Variants in BLTP2 observed in about 807,000 individuals in gnomAD.
BLTP2 encodes U937-associated antigen.
chr17:28,635,657 C>G, the BLTP2 span: 3 of 1,550,110 alleles, frequency 1.9e-6, no homozygotes, highest in South Asian at 1.2e-5. Flanking sequence ...TGTCACAAAA[C>G]AGTAGAGATG....
At chr17:28,625,053 C>T in the BLTP2 span, among the ~76,000 whole-genome samples, 24 of 152,122 alleles carry the variant, frequency 1.6e-4, no homozygotes, top group African/African-American at 5.5e-4. Flanking sequence ...GAAAGTTTAA[C>T]GGGGCCAGGC....
the BLTP2 span, chr17:28,635,207 G>A: frequency 6.2e-7 from 1 of 1,614,062 alleles, no homozygotes; most frequent in African/African-American, 1.3e-5. Flanking sequence ...TCCAGCTCAG[G>A]TAGCAGCTGC....
At chr17:28,634,454 T>G in the BLTP2 span, 1 of 1,324,084 alleles carries the variant, frequency 7.6e-7, no homozygotes, top group African/African-American at 1.5e-5. Context: ...CTGAAATCAC[T>G]GAGAGCTCCC....
chr17:28,631,961 G>A, the BLTP2 span: 1 of 1,609,870 alleles, frequency 6.2e-7, no homozygotes, highest in Non-Finnish European at 8.5e-7. Flanking sequence ...GATGGCATGA[G>A]AGGGATGATT....
At chr17:28,627,071 C>T in the BLTP2 span, among the ~76,000 whole-genome samples, 1 of 152,134 alleles carries the variant, frequency 6.6e-6, no homozygotes, top group Admixed American at 6.5e-5. Flanking sequence ...TAGAGGACAC[C>T]CAACTGGTGT....
At chr17:28,644,655 T>C in the BLTP2 span, among the ~76,000 whole-genome samples, 1 of 152,188 alleles carries the variant, frequency 6.6e-6, no homozygotes, top group East Asian at 1.9e-4. Flanking sequence ...CCCATCGCGC[T>C]TGGCGAAAGG....
At chr17:28,633,534 C>A in the BLTP2 span, 1 of 1,613,334 alleles carries the variant, frequency 6.2e-7, no homozygotes, top group African/African-American at 1.3e-5. Flanking sequence ...ATAAAAGTAT[C>A]ATGACACCCC....
chr17:28,643,447 A>G, the BLTP2 span: 1 of 1,370,134 alleles, frequency 7.3e-7, no homozygotes, highest in Non-Finnish European at 1.0e-6. Flanking sequence ...AGCAGTTATC[A>G]ATATCTTCCT....
chr17:28,644,687 G>A, the BLTP2 span, among the ~76,000 whole-genome samples: 1 of 152,206 alleles, frequency 6.6e-6, no homozygotes, highest in Admixed American at 6.5e-5. Flanking sequence ...GTGGGTGGAG[G>A]GGGAAAGGGA....
At chr17:28,628,185 C>G in the BLTP2 span, 2 of 1,220,486 alleles carry the variant, frequency 1.6e-6, no homozygotes, top group Non-Finnish European at 1.2e-6. Flanking sequence ...CACCATGACT[C>G]AGTCCTTTTA....
At chr17:28,632,939 C>T in the BLTP2 span, 1 of 1,517,628 alleles carries the variant, frequency 6.6e-7, no homozygotes, top group Non-Finnish European at 8.8e-7. Context: ...GCCCAAGCCT[C>T]ACTTCCACTG....
chr17:28,634,647 G>C, the BLTP2 span: 1 of 1,614,210 alleles, frequency 6.2e-7, no homozygotes, highest in Non-Finnish European at 8.5e-7. Context: ...GACCATGGAA[G>C]GAGGCATCTG....
chr17:28,628,495 C>T, the BLTP2 span: 1 of 1,614,098 alleles, frequency 6.2e-7, no homozygotes, highest in Non-Finnish European at 8.5e-7. Context: ...CCAGGAAATC[C>T]GTAAATCTAC....
chr17:28,639,415 T>A, the BLTP2 span: 5 of 1,613,848 alleles, frequency 3.1e-6, no homozygotes, highest in East Asian at 2.2e-5. Flanking sequence ...TAGTGAATGA[T>A]GCAAGTGTTC....
At chr17:28,623,537 C>T in the BLTP2 span, among the ~76,000 whole-genome samples, 3 of 151,312 alleles carry the variant, frequency 2.0e-5, no homozygotes, top group Admixed American at 6.6e-5. Context: ...TATACGAGTT[C>T]TGAGAAATGA....
chr17:28,624,414 G>C, the BLTP2 span: 1 of 1,604,502 alleles, frequency 6.2e-7, no homozygotes, highest in Non-Finnish European at 8.5e-7. Context: ...AGGAAGCAGG[G>C]AAAGGTCACA....
chr17:28,623,863 A>G, the BLTP2 span: 1 of 1,614,166 alleles, frequency 6.2e-7, no homozygotes, highest in Non-Finnish European at 8.5e-7. Context: ...CTTTTGCTTC[A>G]ATGTATCACC....
the BLTP2 span, chr17:28,615,927 T>TA: frequency 1.8e-6 from 2 of 1,120,110 alleles, no homozygotes; most frequent in African/African-American, 3.1e-5. Context: ...GATTTCCCCT[T>TA]ACCTCAGCCT....
chr17:28,639,483 GTGGGTT>G, the BLTP2 span: 25 of 1,613,240 alleles, frequency 1.5e-5, no homozygotes, highest in African/African-American at 3.3e-4. Flanking sequence ...GACCAGAACT[GTGGGTT>G]TGGGTTTTAT....
Sources: gnomAD v4.1 joint callset for allele counts (sites outside exome capture counted in the v4.1 genomes callset) on GRCh38, gnomAD v4.1.1 for gene constraint, MANE v1.5 for transcripts, NCBI Gene and HGNC (gene_info 2026-07-23, HGNC 2026-07-21) for gene names.